Variants in CDH8 observed in about 807,000 individuals in gnomAD.
The protein encoded by CDH8 is cadherin 8.
A neutral mutation model predicts 68.1 loss-of-function variants in CDH8; 17 were observed. That is an observed-to-expected ratio of 0.25 (90% confidence interval 0.17 to 0.37). The LOEUF (loss-of-function observed/expected upper bound fraction) is 0.37. CDH8 is among the 10% of genes least tolerant of loss of function. The pLI, the probability that CDH8 is intolerant of heterozygous loss-of-function variation, is 1.00. For missense variants in CDH8, 763 were observed against 999.3 expected, an observed-to-expected ratio of 0.76 and a Z score of 3.19; for synonymous variants, 372 against 365.1, an observed-to-expected ratio of 1.02 and a Z score of -0.21.
intron 10 of CDH8, among the ~76,000 whole-genome samples, chr16:61,657,039 G>C (rs1386191148): frequency 4.2e-5 from 6 of 141,556 alleles, no homozygotes; most frequent in Non-Finnish European, 4.5e-5. Flanking sequence ...AGTGTTATTT[G>C]GGCAAAATAA....
intron 2 of CDH8, chr16:61,918,195 T>TTTTTATTAACTAATATTA (rs1964280595): frequency 6.6e-6 from 1 of 152,152 alleles, no homozygotes; most frequent in Admixed American, 6.5e-5. Context: ...CAGCCCTATG[T>TTTTTATTAACTAATATTA]ACTTATATTA....
intron 3 of CDH8, among the ~76,000 whole-genome samples, chr16:61,895,514 A>G (rs1472940582): frequency 6.6e-6 from 1 of 152,128 alleles, no homozygotes; most frequent in Non-Finnish European, 1.5e-5. Context: ...CGTATTGGTC[A>G]TCATTACAGT....
intron 2 of CDH8, among the ~76,000 whole-genome samples, chr16:61,914,782 T>C (rs1597061699): frequency 7.0e-6 from 1 of 142,594 alleles, no homozygotes; most frequent in African/African-American, 2.6e-5. Context: ...AGCCAAGAAA[T>C]GTATGGGGTC....
chr16:61,794,887 C>CA (rs1385982376), intron 7 of CDH8, among the ~76,000 whole-genome samples: 1 of 151,920 alleles, frequency 6.6e-6, no homozygotes, highest in Non-Finnish European at 1.5e-5. Context: ...AGATTAATCA[C>CA]AAAATCAGAA....
chr16:61,683,397 T>G (rs1964048123), intron 10 of CDH8, among the ~76,000 whole-genome samples: 1 of 152,014 alleles, frequency 6.6e-6, no homozygotes, highest in Non-Finnish European at 1.5e-5. Flanking sequence ...AGGAGGCATT[T>G]ATACTTGTAA....
chr16:61,845,503 A>T (rs1597013590), intron 4 of CDH8, among the ~76,000 whole-genome samples: 2 of 62,502 alleles, frequency 3.2e-5, no homozygotes, highest in Non-Finnish European at 5.8e-5. Flanking sequence ...CCAGATATGT[A>T]AAAAAAAAAA....
At chr16:61,950,707 C>T (rs1197245565) in intron 2 of CDH8, among the ~76,000 whole-genome samples, 2 of 152,088 alleles carry the variant, frequency 1.3e-5, no homozygotes, top group African/African-American at 2.4e-5. Flanking sequence ...ATTCACTATA[C>T]AGCCATAAAA....
At chr16:61,881,459 T>C (rs552809264) in intron 3 of CDH8, among the ~76,000 whole-genome samples, 2 of 152,276 alleles carry the variant, frequency 1.3e-5, no homozygotes, top group South Asian at 2.1e-4. Context: ...GTAAAGGTAA[T>C]AGAATAATCA....
In CDH8 at chr16:61,671,493, A is replaced by T. The variant is rs181191530; in HGVS notation, c.1655-15772T>A. ...AAAAAAAAAAGGAAATGATGCAAGGAAATGTGGTATCCTACAGTGAGCTAA... is the reference window on the plus strand; with the variant it reads ...AAAAAAAAAAGGAAATGATGCAAGGTAATGTGGTATCCTACAGTGAGCTAA... On this transcript the variant is annotated intron_variant, in intron 10 of 11. Coordinates refer to ENST00000577390, the MANE Select transcript of CDH8 (RefSeq NM_001796.5). Among the ~76,000 whole-genome samples, 106 of 152,044 alleles carry T rather than the reference A, an allele frequency of 7.0e-4. 1 individual carries two copies. Among genetic ancestry groups the T allele is most frequent in the African/African-American group, 2.5e-3 (105 of 41,496 alleles).
intron 2 of CDH8, among the ~76,000 whole-genome samples, chr16:62,001,180 A>G (rs188595420): frequency 6.6e-6 from 1 of 152,292 alleles, no homozygotes; most frequent in Admixed American, 6.5e-5. Flanking sequence ...GACTGGAAGA[A>G]CAGATTTGAC....
intron 3 of CDH8, among the ~76,000 whole-genome samples, chr16:61,884,260 CCTT>C (rs1377921712): frequency 3.3e-5 from 5 of 152,188 alleles, no homozygotes; most frequent in African/African-American, 1.2e-4. Context: ...AAGACCAACT[CCTT>C]CTCTTCCTCC....
intron 10 of CDH8, among the ~76,000 whole-genome samples, chr16:61,663,908 G>A (rs553332484): frequency 1.3e-5 from 2 of 152,112 alleles, no homozygotes; most frequent in East Asian, 1.9e-4. Context: ...AGGGAAACAA[G>A]GAAGAGAGAG....
intron 8 of CDH8, among the ~76,000 whole-genome samples, chr16:61,760,283 T>TTTTTTTTATTTA (rs368916623): frequency 1.4e-5 from 2 of 146,320 alleles, no homozygotes; most frequent in African/African-American, 5.1e-5. Context: ...TGGAAGAAAA[T>TTTTTTTTATTTA]TTTATTTATT....
At chr16:61,765,171 A>G (rs959292014) in intron 8 of CDH8, among the ~76,000 whole-genome samples, 4 of 152,246 alleles carry the variant, frequency 2.6e-5, no homozygotes, top group Non-Finnish European at 5.9e-5. Flanking sequence ...TAATTTTAAA[A>G]GAGGTCTTCA....
chr16:61,963,358 C>G lies in CDH8; in HGVS notation c.252+57794G>C, dbSNP rs541328419. ...ACCCATTCCATCTACAACATTTTTACTTTTGTCTTTAAGTTGACTTTTTAC... is the reference window on the plus strand; with the variant it reads ...ACCCATTCCATCTACAACATTTTTAGTTTTGTCTTTAAGTTGACTTTTTAC... On this transcript the variant is annotated intron_variant, in intron 2 of 11. Coordinates refer to ENST00000577390, the MANE Select transcript of CDH8 (RefSeq NM_001796.5). 3.3e-5 allele frequency among the ~76,000 whole-genome samples: 5 copies of G among 152,300 alleles called. No individual in the cohort carries two copies. The South Asian group carries it at 1.0e-3, about 32-fold the overall frequency.
intron 7 of CDH8, among the ~76,000 whole-genome samples, chr16:61,813,511 GAA>G (rs1382946636): frequency 6.6e-6 from 1 of 152,166 alleles, no homozygotes; most frequent in Non-Finnish European, 1.5e-5. Flanking sequence ...GCAGATGAGG[GAA>G]CTGGCCCAGG....
intron 10 of CDH8, among the ~76,000 whole-genome samples, chr16:61,662,694 A>G (rs1424268567): frequency 2.0e-5 from 3 of 151,942 alleles, no homozygotes; most frequent in Non-Finnish European, 4.4e-5. Context: ...ATCTATATAT[A>G]GTAACTATAT....
At chr16:61,663,444 G>GA (rs1333864459) in intron 10 of CDH8, among the ~76,000 whole-genome samples, 1 of 151,758 alleles carries the variant, frequency 6.6e-6, no homozygotes, top group African/African-American at 2.4e-5. Flanking sequence ...TGAAGTTTTA[G>GA]AAAAAAATAG....
At chr16:61,911,191 G>A (rs943272238) in intron 2 of CDH8, among the ~76,000 whole-genome samples, 5 of 152,040 alleles carry the variant, frequency 3.3e-5, no homozygotes, top group Admixed American at 2.0e-4. Context: ...TGGATGAATG[G>A]ATGGATAGAT....
Sources: allele counts gnomAD v4.1 joint callset (sites outside exome capture counted in the v4.1 genomes callset), GRCh38; gene constraint gnomAD v4.1.1; transcripts MANE v1.5; gene names NCBI Gene and HGNC (gene_info 2026-07-23, HGNC 2026-07-21).